The following HHAT variants were observed in gnomAD, a reference collection of about 807,000 sequenced individuals.
The protein encoded by HHAT is hedgehog acyltransferase.
HHAT carries 47 observed loss-of-function variants against 70.8 expected under a neutral mutation model. The observed-to-expected ratio is 0.66, with a 90% CI of 0.53 to 0.85. HHAT has a LOEUF of 0.85. Ranked by LOEUF, HHAT falls within the 40% of genes least tolerant of loss-of-function variation. The pLI is 0.00. For missense variants in HHAT, 609 were observed against 604.8 expected (o/e 1.01, Z -0.07); for synonymous variants, 228 against 247.6 (o/e 0.92, Z 0.74).
intron 10 of HHAT, among the ~76,000 whole-genome samples, chr1:210,603,831 G>A (rs1004645003): frequency 1.3e-5 from 2 of 152,158 alleles, no homozygotes; most frequent in Non-Finnish European, 2.9e-5. Context: ...TCGAGCAGCT[G>A]CTGGCCTTGT....
At chr1:210,411,596 T>TAA (rs3835413) in intron 6 of HHAT, among the ~76,000 whole-genome samples, 1 of 150,762 alleles carries the variant, frequency 6.6e-6, no homozygotes, top group African/African-American at 2.4e-5. Context: ...CTACAAAAAA[T>TAA]AAAAAAAAAT....
At chr1:210,510,153 G>A (rs1396250358) in intron 8 of HHAT, among the ~76,000 whole-genome samples, 1 of 152,132 alleles carries the variant, frequency 6.6e-6, no homozygotes, top group African/African-American at 2.4e-5. Context: ...TTTTCAGTAG[G>A]TGGTGTGCTA....
chr1:210,602,272 G>T (rs754225678), intron 10 of HHAT, among the ~76,000 whole-genome samples: 12 of 152,138 alleles, frequency 7.9e-5, no homozygotes, highest in Non-Finnish European at 1.6e-4. Context: ...GCACAGACCA[G>T]TTGAGGACCA....
rs59742593 is a variant in HHAT, at chr1:210,334,056, A to C, written c.-44+4952A>C. Among the ~76,000 whole-genome samples the C allele has an allele frequency of 8.7e-3, 1,320 of 151,954 alleles. 15 individuals are homozygous for C. The highest frequency in any genetic ancestry group is 0.029 in the African/African-American group (1,188 of 41,428). Reference sequence around the variant, plus strand: ...CATGAAAATAAAGATATTTGAGCTCATGTCCCCCTGAATTCTCTCTATGGA... The same window carrying C: ...CATGAAAATAAAGATATTTGAGCTCCTGTCCCCCTGAATTCTCTCTATGGA... On this transcript the variant is annotated intron_variant, in intron 1 of 11. Transcript: ENST00000261458.
chr1:210,352,443 G>A (rs1427729287), intron 2 of HHAT, among the ~76,000 whole-genome samples: 1 of 152,108 alleles, frequency 6.6e-6, no homozygotes, highest in Non-Finnish European at 1.5e-5. Context: ...TACCCACATT[G>A]TAGAAGTAGG....
intron 8 of HHAT, among the ~76,000 whole-genome samples, chr1:210,475,136 C>A (rs555548557): frequency 4.6e-5 from 7 of 152,180 alleles, no homozygotes; most frequent in African/African-American, 1.4e-4. Context: ...GTTGGGATTA[C>A]AGGTGTGAGC....
chr1:210,428,205 C>G (rs1002104782), intron 7 of HHAT, among the ~76,000 whole-genome samples: 7 of 149,370 alleles, frequency 4.7e-5, no homozygotes, highest in African/African-American at 1.5e-4. Context: ...CTGATAAACT[C>G]TCAATACTTG....
At chr1:210,349,473 A>G (rs946125) in intron 2 of HHAT, among the ~76,000 whole-genome samples, 57,636 of 151,710 alleles carry the variant, frequency 0.38, 11,317 homozygotes, top group South Asian at 0.44. Context: ...ATAAATCATC[A>G]TCAGGTCACA....
At chr1:210,433,644 T>C (rs1431642971) in intron 7 of HHAT, among the ~76,000 whole-genome samples, 1 of 151,864 alleles carries the variant, frequency 6.6e-6, no homozygotes. Context: ...CATTGGGAGC[T>C]CCATGGCAAC....
intron 9 of HHAT, among the ~76,000 whole-genome samples, chr1:210,541,930 C>T (rs1459630996): frequency 6.6e-6 from 1 of 152,156 alleles, no homozygotes; most frequent in Non-Finnish European, 1.5e-5. Flanking sequence ...AATGTTTCTG[C>T]ACTGGCCAGG....
chr1:210,605,263 A>G (rs1277813749), intron 10 of HHAT, among the ~76,000 whole-genome samples: 1 of 152,214 alleles, frequency 6.6e-6, no homozygotes. Flanking sequence ...AAGGTAAATA[A>G]TTTATCTCAG....
intron 2 of HHAT, among the ~76,000 whole-genome samples, chr1:210,355,562 C>G (rs192918571): frequency 6.6e-4 from 100 of 152,228 alleles, no homozygotes; most frequent in Non-Finnish European, 4.9e-4. Context: ...ACAAACCTAC[C>G]GTGACCATGG....
chr1:210,611,662 A>G (rs1279215094), intron 10 of HHAT, among the ~76,000 whole-genome samples: 1 of 152,024 alleles, frequency 6.6e-6, no homozygotes, highest in Admixed American at 6.6e-5. Context: ...TCACTCTTAT[A>G]TTTTGAGGTA....
intron 9 of HHAT, among the ~76,000 whole-genome samples, chr1:210,551,236 G>A (rs998753034): frequency 1.3e-5 from 2 of 148,586 alleles, no homozygotes; most frequent in Non-Finnish European, 2.9e-5. Context: ...TTCTTAGTGC[G>A]GCCCGCTGCA....
rs1012324197 is a variant in HHAT, at chr1:210,673,688, C to A, written c.1391-600C>A. On this transcript the variant is annotated intron_variant, in intron 11 of 11. Coordinates refer to ENST00000261458, the MANE Select transcript of HHAT (RefSeq NM_018194.6). ...CTCACTGTAACCTCTAACTCCTGAT[C>A]TCAAGTGATCCTTCCTCCTTGGCCT... 2.0e-5 allele frequency among the ~76,000 whole-genome samples: 3 copies of A among 151,526 alleles called. No individual in the cohort carries two copies. In the South Asian group the frequency reaches 6.2e-4, roughly 32 times the overall value.
intron 7 of HHAT, among the ~76,000 whole-genome samples, chr1:210,453,124 AG>A (rs2093788343): frequency 6.6e-6 from 1 of 152,210 alleles, no homozygotes; most frequent in Non-Finnish European, 1.5e-5. Context: ...GTGAGAGGAA[AG>A]GGATAAGACA....
rs370077650 is a variant in HHAT, at chr1:210,454,182, T to G, written c.857-10323T>G. Among the ~76,000 whole-genome samples, 25 of 152,144 alleles carry G rather than the reference T, an allele frequency of 1.6e-4. No individual in the cohort carries two copies. In the East Asian group the frequency reaches 3.7e-3, roughly 22 times the overall value. On this transcript the variant is annotated intron_variant, in intron 7 of 11. Coordinates refer to ENST00000261458, the MANE Select transcript of HHAT (RefSeq NM_018194.6). ...GATATAATTTAAGTTGAGATTTGGGTGGGGACACAGCCAAACCATATCATG... is the reference window on the plus strand; with the variant it reads ...GATATAATTTAAGTTGAGATTTGGGGGGGGACACAGCCAAACCATATCATG...
intron 11 of HHAT, among the ~76,000 whole-genome samples, chr1:210,652,214 AAAGG>A (rs1218931736): frequency 6.6e-6 from 1 of 152,140 alleles, no homozygotes; most frequent in Non-Finnish European, 1.5e-5. Flanking sequence ...AGATAGGAAT[AAAGG>A]AAGGAAGGAA....
chr1:210,565,889 T>C (rs1423583272), intron 9 of HHAT, among the ~76,000 whole-genome samples: 2 of 152,098 alleles, frequency 1.3e-5, no homozygotes, highest in African/African-American at 2.4e-5. Flanking sequence ...GCTGGATGGC[T>C]CTTGGTGTGG....
Sources: allele counts gnomAD v4.1 joint callset (sites outside exome capture counted in the v4.1 genomes callset), GRCh38; gene constraint gnomAD v4.1.1; transcripts MANE v1.5; gene names NCBI Gene and HGNC (gene_info 2026-07-23, HGNC 2026-07-21).